The following RAB20 variants were observed in gnomAD, a reference collection of about 807,000 sequenced individuals.
The protein encoded by RAB20 is ras-related protein Rab-20.
In RAB20, 2 loss-of-function variants were observed where a neutral mutation model predicts 3.7. That is an observed-to-expected ratio of 0.54 (90% CI 0.22 to 1.69). The LOEUF is 1.69. RAB20 is among the 40% of genes most tolerant of loss of function. RAB20 has a pLI of 0.19. For missense variants in RAB20, 276 were observed against 311.9 expected (o/e 0.88, Z 0.87); for synonymous variants, 126 against 130.8 (o/e 0.96, Z 0.25).
chr13:110,549,074 G>C (rs141370395), intron 1 of RAB20, among the ~76,000 whole-genome samples: 201 of 152,334 alleles, frequency 1.3e-3, no homozygotes, highest in African/African-American at 4.5e-3. Flanking sequence ...CTAGCAGTAG[G>C]TAGCTGAGCT....
intron 1 of RAB20, among the ~76,000 whole-genome samples, chr13:110,554,448 T>A (rs331599): frequency 0.94 from 143,648 of 152,254 alleles, 67,822 homozygotes; most frequent in African/African-American, 0.97. Context: ...CGCGGTCCTC[T>A]GAGCTGAACT....
chr13:110,536,586 G>T (rs879469094), intron 1 of RAB20, among the ~76,000 whole-genome samples: 61 of 152,040 alleles, frequency 4.0e-4, no homozygotes, highest in Non-Finnish European at 8.2e-4. Flanking sequence ...GGAGAACACT[G>T]AACTCAGACA....
intron 1 of RAB20, among the ~76,000 whole-genome samples, chr13:110,543,366 A>G (rs893649032): frequency 6.6e-6 from 1 of 152,150 alleles, no homozygotes; most frequent in Non-Finnish European, 1.5e-5. Context: ...TCTGGCCTCA[A>G]GTGATCCTCT....
chr13:110,524,257 GC>G, intron 1 of RAB20, 60 bp from the exon 2 acceptor site: 1 of 1,514,406 alleles, frequency 6.6e-7, no homozygotes, highest in South Asian at 1.3e-5. Flanking sequence ...ATAGCCACCA[GC>G]CACACTGCAA....
chr13:110,554,331 A>G (rs1885003354), intron 1 of RAB20, among the ~76,000 whole-genome samples: 1 of 152,178 alleles, frequency 6.6e-6, no homozygotes, highest in African/African-American at 2.4e-5. Context: ...TCCAACCTGA[A>G]GCAGCAACAC....
intron 1 of RAB20, among the ~76,000 whole-genome samples, chr13:110,545,831 C>T (rs1390973922): frequency 6.6e-6 from 1 of 152,192 alleles, no homozygotes; most frequent in Non-Finnish European, 1.5e-5. Flanking sequence ...GACCTCTTTA[C>T]AGTCCTTCGT....
chr13:110,554,840 G>A (rs999954610), intron 1 of RAB20, among the ~76,000 whole-genome samples: 2 of 152,180 alleles, frequency 1.3e-5, no homozygotes, highest in African/African-American at 2.4e-5. Flanking sequence ...AACCCATCAC[G>A]AGCCTTTCCT....
intron 1 of RAB20, among the ~76,000 whole-genome samples, chr13:110,533,451 T>C (rs1037225649): frequency 9.2e-5 from 14 of 152,146 alleles, no homozygotes; most frequent in African/African-American, 3.1e-4. Flanking sequence ...AGAAGGCTGA[T>C]GTGGGAGGAT....
intron 1 of RAB20, among the ~76,000 whole-genome samples, chr13:110,558,256 T>C (rs1885071936): frequency 6.6e-6 from 1 of 152,156 alleles, no homozygotes; most frequent in African/African-American, 2.4e-5. Context: ...ACTCCACATC[T>C]GTGTGCCCAA....
chr13:110,527,546 G>T (rs1324694741), intron 1 of RAB20, among the ~76,000 whole-genome samples: 2 of 152,214 alleles, frequency 1.3e-5, no homozygotes, highest in African/African-American at 2.4e-5. Flanking sequence ...GCCAGCCTGG[G>T]AATGCTGTTG....
Position 110,524,027 on chromosome 13 carries a change from C to T in RAB20, c.343G>A (p.Val115Met). Residue 115 changes from valine (V) to methionine (M), a missense_variant, in exon 2 of 2, where the codon GTG becomes ATG. Val to Met is a conservative substitution (Grantham distance 21). Transcript: ENST00000267328. ...AAGGCCCCCTCCTCAGTGAGGTCCACTTTGTTCCCCACGATGGCAAAGAGG... is the reference window on the plus strand; with the variant it reads ...AAGGCCCCCTCCTCAGTGAGGTCCATTTTGTTCCCCACGATGGCAAAGAGG... ...DCLFAIVGNK[V>M]DLTEEGALAG... 6.2e-7 allele frequency: 1 copy of T among 1,614,186 alleles called. No individual in the cohort carries two copies. Among genetic ancestry groups the T allele is most frequent in the Non-Finnish European group, 8.5e-7 (1 of 1,180,036 alleles).
chr13:110,531,704 C>T (rs1228535213), intron 1 of RAB20, among the ~76,000 whole-genome samples: 1 of 152,212 alleles, frequency 6.6e-6, no homozygotes, highest in Non-Finnish European at 1.5e-5. Flanking sequence ...CGTCCCAGGG[C>T]TGCCCATGTC....
intron 1 of RAB20, among the ~76,000 whole-genome samples, chr13:110,541,433 G>A (rs753344895): frequency 1.2e-4 from 18 of 152,296 alleles, no homozygotes; most frequent in Non-Finnish European, 2.4e-4. Flanking sequence ...AAACAATCCA[G>A]AAATTGTTAT....
intron 1 of RAB20, among the ~76,000 whole-genome samples, chr13:110,536,034 A>C (rs2139578749): frequency 6.6e-6 from 1 of 152,318 alleles, no homozygotes; most frequent in South Asian, 2.1e-4. Context: ...GCAGACCCTT[A>C]ATCACATCTA....
At chr13:110,559,430 T>C (rs562562103) in intron 1 of RAB20, among the ~76,000 whole-genome samples, 37 of 152,326 alleles carry the variant, frequency 2.4e-4, no homozygotes, top group Admixed American at 1.8e-3. Context: ...CCAACAATTA[T>C]AGAAAAGGTA....
At chr13:110,540,097 C>T (rs755735971) in intron 1 of RAB20, among the ~76,000 whole-genome samples, 15 of 152,196 alleles carry the variant, frequency 9.9e-5, no homozygotes, top group Non-Finnish European at 2.1e-4. Context: ...CATGAATGTA[C>T]TAAAAATAGT....
At chr13:110,528,420 A>C (rs1023264420) in intron 1 of RAB20, among the ~76,000 whole-genome samples, 3 of 151,540 alleles carry the variant, frequency 2.0e-5, no homozygotes, top group Non-Finnish European at 4.4e-5. Flanking sequence ...TCTCAAAAAA[A>C]AAAAAAACAA....
chr13:110,554,956 G>A (rs922146472), intron 1 of RAB20, among the ~76,000 whole-genome samples: 2 of 149,316 alleles, frequency 1.3e-5, no homozygotes, highest in African/African-American at 2.5e-5. Flanking sequence ...GTTCCCAAGG[G>A]CAGGAAGACC....
intron 1 of RAB20, among the ~76,000 whole-genome samples, chr13:110,547,299 G>A (rs373422765): frequency 5.4e-4 from 83 of 152,350 alleles, no homozygotes; most frequent in South Asian, 3.5e-3. Flanking sequence ...GACACGAGGC[G>A]CAACAAGCTT....
Sources: gnomAD v4.1 joint callset for allele counts (sites outside exome capture counted in the v4.1 genomes callset) on GRCh38, gnomAD v4.1.1 for gene constraint, MANE v1.5 for transcripts, NCBI Gene and HGNC (gene_info 2026-07-23, HGNC 2026-07-21) for gene names.